The following TRDN variants were observed in gnomAD, a reference collection of about 807,000 sequenced individuals.
TRDN encodes the protein triadin in skeletal muscle.
In TRDN, 161 loss-of-function variants were observed where a neutral mutation model predicts 149.7. That is an observed-to-expected ratio of 1.08 (90% CI 0.95 to 1.23). The LOEUF is 1.23. Ranked by LOEUF, TRDN falls within the 50% of genes most tolerant of loss-of-function variation. The pLI is 0.00. For synonymous variants in TRDN, 294 were observed against 250.5 expected, an observed-to-expected ratio of 1.17 and a Z score of -1.64; for missense variants, 896 against 823.5, an observed-to-expected ratio of 1.09 and a Z score of -1.08.
At chr6:123,315,838 C>G (rs1779001809) in intron 24 of TRDN, among the ~76,000 whole-genome samples, 1 of 151,936 alleles carries the variant, frequency 6.6e-6, no homozygotes, top group Middle Eastern at 3.4e-3. Flanking sequence ...CCTTGAGTGC[C>G]CAGCTAATCT....
At chr6:123,636,038 C>T (rs1359579714) in intron 1 of TRDN, among the ~76,000 whole-genome samples, 1 of 151,706 alleles carries the variant, frequency 6.6e-6, no homozygotes, top group African/African-American at 2.4e-5. Context: ...TAGAATTTAC[C>T]ATTTAGAGGA....
intron 35 of TRDN, among the ~76,000 whole-genome samples, chr6:123,258,412 G>A (rs1232277856): frequency 6.6e-6 from 1 of 151,992 alleles, no homozygotes; most frequent in African/African-American, 2.4e-5. Context: ...TTTGTCATTG[G>A]TTCTGTTTAT....
intron 35 of TRDN, among the ~76,000 whole-genome samples, chr6:123,257,040 G>T (rs1436052464): frequency 1.3e-5 from 2 of 150,972 alleles, no homozygotes; most frequent in African/African-American, 4.9e-5. Flanking sequence ...GAGTGCAGTG[G>T]CATGATCTTG....
chr6:123,575,761 A>G (rs1196506689), intron 1 of TRDN, among the ~76,000 whole-genome samples: 1 of 152,148 alleles, frequency 6.6e-6, no homozygotes, highest in Non-Finnish European at 1.5e-5. Flanking sequence ...GTCAGGTTAT[A>G]TGCAGAAGAA....
At chr6:123,290,093 C>A (rs1394686673) in intron 24 of TRDN, among the ~76,000 whole-genome samples, 1 of 152,150 alleles carries the variant, frequency 6.6e-6, no homozygotes, top group Non-Finnish European at 1.5e-5. Context: ...AGTGTCTCCA[C>A]TACTGGGTGA....
chr6:123,254,577 A>C (rs1776488191), intron 37 of TRDN, among the ~76,000 whole-genome samples: 1 of 152,058 alleles, frequency 6.6e-6, no homozygotes, highest in Admixed American at 6.6e-5. Flanking sequence ...CAGTTTTATG[A>C]TAATATCAGC....
rs370296418 is a variant in TRDN at position 123,497,026 on chromosome 6, T to A, written c.853+167A>T. ...GCCATGCAGTGACTGAAAGTAAAATTAAGACCTTAATGCCAGTTATTACCG... is the reference window on the plus strand; with the variant it reads ...GCCATGCAGTGACTGAAAGTAAAATAAAGACCTTAATGCCAGTTATTACCG... On this transcript the variant is annotated intron_variant, in intron 9 of 40. Transcript: ENST00000334268. 3.3e-5 allele frequency among the ~76,000 whole-genome samples: 5 copies of A among 152,118 alleles called. No homozygotes were observed. In the East Asian group the frequency reaches 9.7e-4, roughly 29 times the overall value.
At chr6:123,284,735 G>T (rs1471243671) in intron 24 of TRDN, among the ~76,000 whole-genome samples, 1 of 152,020 alleles carries the variant, frequency 6.6e-6, no homozygotes, top group Non-Finnish European at 1.5e-5. Flanking sequence ...GTCGCTGTTT[G>T]CTGAGGATAT....
intron 4 of TRDN, among the ~76,000 whole-genome samples, chr6:123,539,148 T>G (rs1780697441): frequency 6.6e-6 from 1 of 152,184 alleles, no homozygotes; most frequent in South Asian, 2.1e-4. Context: ...TTTTTAGAGA[T>G]CTACAATTTA....
chr6:123,469,597 A>G (rs1777034729), intron 9 of TRDN: 1 of 152,208 alleles, frequency 6.6e-6, no homozygotes, highest in African/African-American at 2.4e-5. Flanking sequence ...GTGTTGCTAA[A>G]TGTCACCACT....
chr6:123,434,928 T>C (rs1774490491), intron 12 of TRDN, among the ~76,000 whole-genome samples: 1 of 151,944 alleles, frequency 6.6e-6, no homozygotes, highest in African/African-American at 2.4e-5. Flanking sequence ...GGCAATTTTG[T>C]ATCATATAAA....
intron 2 of TRDN, among the ~76,000 whole-genome samples, chr6:123,561,074 G>T (rs946132215): frequency 6.6e-6 from 1 of 152,176 alleles, no homozygotes; most frequent in African/African-American, 2.4e-5. Flanking sequence ...GGTCTAGGTA[G>T]ACACTTTCAC....
At chr6:123,345,978 A>T (rs536765689) in intron 21 of TRDN, among the ~76,000 whole-genome samples, 1 of 152,192 alleles carries the variant, frequency 6.6e-6, no homozygotes, top group South Asian at 2.1e-4. Flanking sequence ...TATTTGAACA[A>T]ATACAGTTTT....
intron 12 of TRDN, among the ~76,000 whole-genome samples, chr6:123,413,508 G>A (rs970251842): frequency 1.3e-5 from 2 of 152,078 alleles, no homozygotes; most frequent in African/African-American, 4.8e-5. Context: ...AATTACTTAG[G>A]AGTATTTTAA....
rs771278361 is a variant in TRDN, at chr6:123,377,740, T to C, written c.1222A>G (p.Lys408Glu). Residue 408 changes from lysine (K) to glutamate (E), a missense_variant and splice_region_variant, in exon 18 of 41, where the codon AAG becomes GAG. By Grantham distance (56) the Lys-to-Glu change is moderately conservative. Coordinates refer to ENST00000334268, the MANE Select transcript of TRDN (RefSeq NM_006073.4). ...CCTGAGTGTTCTTTCTTTGGTGACT[T>C]TGCTGTATCAAAAAGGAAAGAAAAA... ...EKKEKHVEPA[K>E]SPKKEHSVPS... 5.6e-6 allele frequency: 9 copies of C among 1,613,176 alleles called. No homozygotes were observed. In the South Asian group the frequency reaches 9.9e-5, roughly 18 times the overall value.
chr6:123,378,951 T>C lies in TRDN; in HGVS notation c.1187-1053A>G, dbSNP rs80270838. ...ATAATAAGTACTAATTTTATAAGAA[T>C]TGCAAGCACTAATTTTACATGAAGT... On this transcript the variant is annotated intron_variant, in intron 16 of 40. Transcript: ENST00000334268. Among the ~76,000 whole-genome samples the C allele has an allele frequency of 5.4e-3, 820 of 152,288 alleles. 8 individuals are homozygous for C. The highest frequency in any genetic ancestry group is 0.018 in the African/African-American group (767 of 41,568).
rs1234541224 is a variant in TRDN, at chr6:123,636,819, G to T, written c.-44C>A. 5.0e-6 allele frequency: 8 copies of T among 1,610,708 alleles called. No homozygotes were observed. Among genetic ancestry groups the T allele is most frequent in the Non-Finnish European group, 6.8e-6 (8 of 1,177,770 alleles). On this transcript the variant is annotated 5_prime_UTR_variant, in exon 1 of 41. Transcript: ENST00000334268. ...AAGTCAGTTGAAAAGTTCCCGTCAAGTTGCACTTTGCAGAGTATTTGGGGA... is the reference window on the plus strand; with the variant it reads ...AAGTCAGTTGAAAAGTTCCCGTCAATTTGCACTTTGCAGAGTATTTGGGGA...
intron 2 of TRDN, among the ~76,000 whole-genome samples, chr6:123,569,189 G>T (rs1035942167): frequency 6.6e-6 from 1 of 152,146 alleles, no homozygotes; most frequent in African/African-American, 2.4e-5. Context: ...TGAAAAGAAT[G>T]CAGCCAAGAT....
intron 23 of TRDN, among the ~76,000 whole-genome samples, chr6:123,327,095 G>A (rs138291253): frequency 1.2e-4 from 18 of 152,012 alleles, no homozygotes; most frequent in Non-Finnish European, 2.2e-4. Context: ...ATATGAGAGC[G>A]GAATTTAAAT....
Sources: gnomAD v4.1 joint callset for allele counts (sites outside exome capture counted in the v4.1 genomes callset) on GRCh38, gnomAD v4.1.1 for gene constraint, MANE v1.5 for transcripts, NCBI Gene and HGNC (gene_info 2026-07-23, HGNC 2026-07-21) for gene names.